The following SLCO2B1 variants were observed in gnomAD, a reference collection of about 807,000 sequenced individuals.
SLCO2B1 encodes OATP-RP2.
A neutral mutation model predicts 67.3 loss-of-function variants in SLCO2B1; 41 were observed. The observed-to-expected ratio is 0.61, with a 90% confidence interval of 0.47 to 0.79. The LOEUF (loss-of-function observed/expected upper bound fraction) is 0.79. Ranked by LOEUF, SLCO2B1 falls within the 30% of genes least tolerant of loss-of-function variation. The pLI is 0.00. For synonymous variants in SLCO2B1, 379 were observed against 381.4 expected (o/e 0.99, Z 0.07); for missense variants, 837 against 920.1 (o/e 0.91, Z 1.17).
At chr11:75,196,344 T>C (rs574666609) in intron 9 of SLCO2B1, 170 bp from the exon 10 acceptor site, 13 of 645,964 alleles carry the variant, frequency 2.0e-5, no homozygotes, top group Admixed American at 3.1e-5. Flanking sequence ...CCCACCTTCA[T>C]TGCAAGGAGC....
chr11:75,199,229 C>A (rs187775376), intron 10 of SLCO2B1, among the ~76,000 whole-genome samples: 27 of 152,304 alleles, frequency 1.8e-4, no homozygotes, highest in African/African-American at 6.3e-4. Flanking sequence ...TGTGAAGGAT[C>A]AGCACAGCTT....
intron 9 of SLCO2B1, among the ~76,000 whole-genome samples, chr11:75,195,274 G>T (rs2140340013): frequency 6.6e-6 from 1 of 152,292 alleles, no homozygotes; most frequent in East Asian, 1.9e-4. Context: ...GCTAGCAGAG[G>T]GTTCTGGGAA....
At chr11:75,203,267 C>A (rs540461129) in intron 12 of SLCO2B1, 40 bp from the exon 13 acceptor site, 1 of 1,605,588 alleles carries the variant, frequency 6.2e-7, no homozygotes, top group Admixed American at 1.7e-5. Flanking sequence ...CAGGGTAGGA[C>A]GGTGGGCCTT....
chr11:75,169,872 C>T, intron 6 of SLCO2B1, 108 bp downstream of exon 6: 1 of 849,528 alleles, frequency 1.2e-6, no homozygotes, highest in South Asian at 1.5e-5. Context: ...GCACCACTGA[C>T]CTTGGGCAAG....
chr11:75,178,269 T>C (rs1417211695), intron 7 of SLCO2B1, among the ~76,000 whole-genome samples: 1 of 152,110 alleles, frequency 6.6e-6, no homozygotes, highest in Non-Finnish European at 1.5e-5. Flanking sequence ...GTAAAATGGG[T>C]ATAACCATAA....
intron 7 of SLCO2B1, among the ~76,000 whole-genome samples, chr11:75,175,447 G>C (rs1269941454): frequency 1.3e-5 from 2 of 152,148 alleles, no homozygotes. Context: ...AGAAAGTGAA[G>C]GGCAGAGCTA....
At chr11:75,184,434 G>T (rs1950126055) in intron 7 of SLCO2B1, among the ~76,000 whole-genome samples, 1 of 152,140 alleles carries the variant, frequency 6.6e-6, no homozygotes, top group Admixed American at 6.5e-5. Flanking sequence ...TGCCTATCCT[G>T]CCAGATCATC....
At chr11:75,203,566 C>A in intron 13 of SLCO2B1, 139 bp downstream of exon 13, 1 of 1,059,314 alleles carries the variant, frequency 9.4e-7, no homozygotes. Flanking sequence ...CAGTGCTGAG[C>A]TCACCAGTCC....
chr11:75,171,229 C>T (rs1949956283), intron 6 of SLCO2B1, among the ~76,000 whole-genome samples: 1 of 152,282 alleles, frequency 6.6e-6, no homozygotes, highest in South Asian at 2.1e-4. Context: ...GGAACCAGCT[C>T]TGTGTGTGGG....
At chr11:75,200,514 G>A (rs1945166730) in intron 11 of SLCO2B1, 127 bp downstream of exon 11, 3 of 904,072 alleles carry the variant, frequency 3.3e-6, no homozygotes, top group Admixed American at 3.0e-5. Flanking sequence ...CCACAATATG[G>A]CCTTAACTGT....
chr11:75,186,247 T>C (rs1336846190), intron 7 of SLCO2B1, among the ~76,000 whole-genome samples: 1 of 151,468 alleles, frequency 6.6e-6, no homozygotes, highest in Non-Finnish European at 1.5e-5. Context: ...CTCGCTCTGT[T>C]GCCCAGGCTG....
chr11:75,169,875 T>C (rs2140313806), intron 6 of SLCO2B1, 111 bp downstream of exon 6: 2 of 806,670 alleles, frequency 2.5e-6, no homozygotes, highest in African/African-American at 1.7e-5. Flanking sequence ...CCACTGACCT[T>C]GGGCAAGTCT....
chr11:75,156,868 G>T (rs567664247), intron 1 of SLCO2B1, among the ~76,000 whole-genome samples: 1 of 152,310 alleles, frequency 6.6e-6, no homozygotes, highest in South Asian at 2.1e-4. Flanking sequence ...CTGTCATGGT[G>T]CTGGTGGGAG....
intron 8 of SLCO2B1, among the ~76,000 whole-genome samples, chr11:75,191,549 A>G (rs750286042): frequency 6.6e-5 from 10 of 152,152 alleles, no homozygotes; most frequent in Non-Finnish European, 1.2e-4. Context: ...GTTCCCAAGG[A>G]AACAGATCCT....
rs1949885543 is a variant in SLCO2B1, at chr11:75,165,942, C to T, written c.441C>T (p.Thr147=). 6.2e-7 allele frequency: 1 copy of T among 1,613,744 alleles called. No homozygotes were observed. The highest frequency in any genetic ancestry group is 8.5e-7 in the Non-Finnish European group (1 of 1,179,836). The change falls in exon 4 of 14, where the codon ACC becomes ACT. Residue 147 remains threonine, a synonymous_variant. Transcript: ENST00000289575. ...CGGAGCCATACCGCTACGACAACAC[C>T]AGCCCTGGTAAGAGCAGCAGGGGCT... is the stretch of plus-strand genomic sequence containing the variant. ...FISEPYRYDN[T]SPEDMPQDFK...
In SLCO2B1 at chr11:75,169,170, C is replaced by G; in HGVS notation, c.449-3C>G. On this transcript the variant is annotated splice_region_variant and splice_polypyrimidine_tract_variant and intron_variant, in intron 4 of 13. Coordinates refer to ENST00000289575, the MANE Select transcript of SLCO2B1 (RefSeq NM_007256.5). Reference sequence around the variant, plus strand: ...ATAATATTTTTTCATTGTCGTCTCTCAGAGGATATGCCACAGGACTTCAAG... The same window carrying G: ...ATAATATTTTTTCATTGTCGTCTCTGAGAGGATATGCCACAGGACTTCAAG... 1 of 1,607,940 alleles carries G rather than the reference C, an allele frequency of 6.2e-7. No individual in the cohort carries two copies.
rs752433982 is a variant in SLCO2B1 at position 75,172,656 on chromosome 11, G to A, written c.972+87G>A. On this transcript the variant is annotated intron_variant, in intron 7 of 13. Coordinates refer to ENST00000289575, the MANE Select transcript of SLCO2B1 (RefSeq NM_007256.5). ...TTGTAACATTACACTTCGGCTGGGC[G>A]TGGTGGCTCACATCTGTAGTTCCAG... is the stretch of plus-strand genomic sequence containing the variant. 2.7e-4 allele frequency: 337 copies of A among 1,259,798 alleles called. 1 individual carries two copies. The highest frequency in any genetic ancestry group is 5.0e-4 in the African/African-American group (34 of 67,564). The allele number at this position is 1,259,798 out of a possible 1,614,324, so 78.0% of individuals were successfully genotyped here.
intron 7 of SLCO2B1, among the ~76,000 whole-genome samples, chr11:75,178,054 A>G (rs1950046326): frequency 6.6e-6 from 1 of 150,566 alleles, no homozygotes. Context: ...AGATTACATC[A>G]CTGCACTCCA....
At chr11:75,188,819 C>G (rs1944976701) in intron 8 of SLCO2B1, among the ~76,000 whole-genome samples, 1 of 152,216 alleles carries the variant, frequency 6.6e-6, no homozygotes, top group Non-Finnish European at 1.5e-5. Flanking sequence ...CCACTTCCTT[C>G]CCTCTTTGGT....
Sources: allele counts gnomAD v4.1 joint callset (sites outside exome capture counted in the v4.1 genomes callset), GRCh38; gene constraint gnomAD v4.1.1; transcripts MANE v1.5; gene names NCBI Gene and HGNC (gene_info 2026-07-23, HGNC 2026-07-21).